The following GNA12 variants were observed in gnomAD, a reference collection of about 807,000 sequenced individuals.
GNA12 encodes the protein guanine nucleotide-binding protein subunit alpha-12.
A neutral mutation model predicts 26.0 loss-of-function variants in GNA12; 9 were observed. That is an observed-to-expected ratio of 0.35 (90% CI 0.21 to 0.60). The LOEUF (loss-of-function observed/expected upper bound fraction) is 0.60. Ranked by LOEUF, GNA12 falls within the 20% of genes least tolerant of loss-of-function variation. GNA12 has a pLI of 0.78. For synonymous variants in GNA12, 264 were observed against 219.6 expected, an observed-to-expected ratio of 1.20 and a Z score of -1.79; for missense variants, 405 against 525.8, an observed-to-expected ratio of 0.77 and a Z score of 2.25.
At chr7:2,791,923 C>T (rs1562430972) in intron 2 of GNA12, among the ~76,000 whole-genome samples, 1 of 152,136 alleles carries the variant, frequency 6.6e-6, no homozygotes, top group South Asian at 2.1e-4. Context: ...GTCATGCACC[C>T]ACCACCCAAT....
rs35958373 is a variant in GNA12 at position 2,733,493 on chromosome 7, C to A, written c.534G>T (p.Ser178=). 1.2e-6 allele frequency: 2 copies of A among 1,613,234 alleles called. No homozygotes were observed. Among genetic ancestry groups the A allele is most frequent in the African/African-American group, 2.7e-5 (2 of 74,882 alleles). Residue 178 remains serine (S), a synonymous_variant, in exon 3 of 4, where the codon TCG becomes TCT. Transcript: ENST00000275364. ...SRRSEFQLGE[S]VKYFLDNLDR... ...CCAAGTTGTCCAGGAAGTACTTCAC[C>A]GACTCCCCCTGTCAGGAAGGAAGAA...
At chr7:2,733,803 C>A (rs1790022435) in intron 2 of GNA12, among the ~76,000 whole-genome samples, 1 of 152,180 alleles carries the variant, frequency 6.6e-6, no homozygotes, top group Admixed American at 6.5e-5. Flanking sequence ...GACTCTCTTT[C>A]CAGACATGAA....
In GNA12 at chr7:2,801,475, G is replaced by A. The variant is rs151051659; in HGVS notation, c.310-6332C>T. On this transcript the variant is annotated intron_variant, in intron 1 of 3. Coordinates refer to ENST00000275364, the MANE Select transcript of GNA12 (RefSeq NM_007353.3). ...AGGTTTGGCTTAAAAACACACACAC[G>A]CAAAACTGGCCCATGCAACAGCAGT... is the stretch of plus-strand genomic sequence containing the variant. 9.2e-5 allele frequency among the ~76,000 whole-genome samples: 14 copies of A among 152,208 alleles called. No homozygotes were observed. In the East Asian group the frequency reaches 2.3e-3, roughly 25 times the overall value.
At chr7:2,815,175 C>T (rs947049718) in intron 1 of GNA12, 17 of 517,334 alleles carry the variant, frequency 3.3e-5, no homozygotes, top group South Asian at 1.1e-4. Flanking sequence ...GGAACATCGG[C>T]GAGGTGCCTG....
chr7:2,829,409 G>A (rs1320116967), intron 1 of GNA12, among the ~76,000 whole-genome samples: 3 of 152,234 alleles, frequency 2.0e-5, no homozygotes, highest in Non-Finnish European at 2.9e-5. Context: ...CAGCCATGGG[G>A]ACGCTGACAG....
intron 2 of GNA12, among the ~76,000 whole-genome samples, chr7:2,752,937 C>T (rs1439331855): frequency 6.6e-6 from 1 of 152,156 alleles, no homozygotes; most frequent in Non-Finnish European, 1.5e-5. Context: ...TGTGTAACCA[C>T]CACTGCAATC....
intron 2 of GNA12, among the ~76,000 whole-genome samples, chr7:2,743,603 G>C (rs1211560369): frequency 6.6e-6 from 1 of 152,196 alleles, no homozygotes; most frequent in South Asian, 2.1e-4. Context: ...ACAGCTCCCA[G>C]CGTGAGCAAT....
At chr7:2,761,908 G>A (rs798490) in intron 2 of GNA12, among the ~76,000 whole-genome samples, 35,985 of 152,002 alleles carry the variant, frequency 0.24, 4,942 homozygotes, top group Non-Finnish European at 0.29. Flanking sequence ...CCCATCTGTC[G>A]TATCCACGGA....
chr7:2,747,773 C>A (rs1278630568), intron 2 of GNA12, among the ~76,000 whole-genome samples: 1 of 152,150 alleles, frequency 6.6e-6, no homozygotes, highest in East Asian at 1.9e-4. Context: ...ATCTAGAAAA[C>A]CCCATCATCT....
At chr7:2,814,614 TTCC>T (rs1376684673) in intron 1 of GNA12, among the ~76,000 whole-genome samples, 1 of 146,682 alleles carries the variant, frequency 6.8e-6, no homozygotes, top group Non-Finnish European at 1.5e-5. Flanking sequence ...CACCAAAAAA[TTCC>T]TTATTTCCTT....
chr7:2,802,234 A>T (rs907695415), intron 1 of GNA12, among the ~76,000 whole-genome samples: 1 of 152,002 alleles, frequency 6.6e-6, no homozygotes, highest in South Asian at 2.1e-4. Flanking sequence ...CCCAAATATA[A>T]ACGGTTAAAG....
chr7:2,747,900 C>G (rs558215439), intron 2 of GNA12, among the ~76,000 whole-genome samples: 3,874 of 151,906 alleles, frequency 0.026, 119 homozygotes, highest in Middle Eastern at 0.075. Context: ...GAGTGAACTC[C>G]CATTCACAAT....
chr7:2,739,260 T>G (rs1298265623), intron 2 of GNA12, among the ~76,000 whole-genome samples: 1 of 152,212 alleles, frequency 6.6e-6, no homozygotes, highest in Non-Finnish European at 1.5e-5. Context: ...CGGCCACCAC[T>G]TCTACAGCCT....
At chr7:2,830,281 G>A (rs1793572424) in intron 1 of GNA12, among the ~76,000 whole-genome samples, 2 of 152,168 alleles carry the variant, frequency 1.3e-5, no homozygotes, top group African/African-American at 4.8e-5. Context: ...ATGCTCATAC[G>A]AGTCTCAATA....
chr7:2,822,655 C>T (rs566354902), intron 1 of GNA12, among the ~76,000 whole-genome samples: 1 of 152,084 alleles, frequency 6.6e-6, no homozygotes, highest in African/African-American at 2.4e-5. Context: ...CTTGTTTCTA[C>T]AGAAAAATTA....
chr7:2,779,163 A>G (rs981511195), intron 2 of GNA12, among the ~76,000 whole-genome samples: 3 of 152,104 alleles, frequency 2.0e-5, no homozygotes, highest in African/African-American at 7.2e-5. Context: ...GTTTGACCCC[A>G]GCCTGGGCAA....
intron 1 of GNA12, among the ~76,000 whole-genome samples, chr7:2,829,666 C>T (rs1201253950): frequency 1.3e-5 from 2 of 152,166 alleles, no homozygotes; most frequent in African/African-American, 4.8e-5. Context: ...TTCATAGTTT[C>T]TCTTCTTACC....
intron 2 of GNA12, among the ~76,000 whole-genome samples, chr7:2,758,780 G>A: frequency 6.6e-6 from 1 of 152,192 alleles, no homozygotes; most frequent in Non-Finnish European, 1.5e-5. Flanking sequence ...GGATAATCAA[G>A]TGCAGTTTAC....
At chr7:2,835,387 C>T (rs1778808086) in intron 1 of GNA12, among the ~76,000 whole-genome samples, 1 of 152,194 alleles carries the variant, frequency 6.6e-6, no homozygotes, top group African/African-American at 2.4e-5. Context: ...GTTCCCCACA[C>T]CCCCATTGAT....
Sources: allele counts gnomAD v4.1 joint callset (sites outside exome capture counted in the v4.1 genomes callset), GRCh38; gene constraint gnomAD v4.1.1; transcripts MANE v1.5; gene names NCBI Gene and HGNC (gene_info 2026-07-23, HGNC 2026-07-21).